Variants in MEX3B observed in about 807,000 individuals in gnomAD.
MEX3B encodes the protein RNA-binding protein MEX3B.
In MEX3B, 10 loss-of-function variants were observed where a neutral mutation model predicts 12.2. The ratio of observed to expected loss-of-function variants is 0.82; its 90% CI spans 0.51 to 1.40. The LOEUF (loss-of-function observed/expected upper bound fraction) is 1.40. MEX3B is among the 40% of genes most tolerant of loss of function. The pLI, the probability that MEX3B is intolerant of heterozygous loss-of-function variation, is 0.00. For synonymous variants in MEX3B, 498 were observed against 356.3 expected (o/e 1.40, Z -4.48); for missense variants, 839 against 801.4 (o/e 1.05, Z -0.57).
In MEX3B at chr15:82,043,941, G is replaced by C. The variant is rs763707689; in HGVS notation, c.929C>G (p.Ala310Gly). 1.9e-6 allele frequency: 3 copies of C among 1,605,628 alleles called. No individual in the cohort carries two copies. The highest frequency in any genetic ancestry group is 2.5e-6 in the Non-Finnish European group (3 of 1,178,714). Residue 310 changes from alanine (A) to glycine (G), a missense_variant, in exon 2 of 2, where the codon GCG becomes GGG. Around this residue, in one of 3 missense-constraint regions of MEX3B, gnomAD observed 573 missense variants for 488.9 expected, o/e 1.17. Transcript: ENST00000329713. ...GTAGTCCGCCAGGCGCTGGGTAGCC[G>C]CTGCGCTGCTGCTGGTCCCGCCGCC... ...YFGGGTSSSA[A>G]ATQRLADYSP...
rs1299891659 is a variant in MEX3B at position 82,043,966 on chromosome 15, C to T, written c.904G>A (p.Gly302Ser). The T allele has an allele frequency of 6.2e-7, 1 of 1,608,522 alleles. No individual in the cohort carries two copies. Among genetic ancestry groups the T allele is most frequent in the African/African-American group, 1.3e-5 (1 of 74,642 alleles). The change falls in exon 2 of 2, where the codon GGC becomes AGC. Residue 302 changes from glycine to serine, a missense_variant. Transcript: ENST00000329713. ...GCTGCGCTGCTGCTGGTCCCGCCGC[C>T]GAAATAAGAGTCTGTGGAAGCACTG... ...LGSASTDSYF[G>S]GGTSSSAAAT...
At position 82,043,104 on chromosome 15, in the gene MEX3B, T is replaced by A; in HGVS notation, c.*56A>T. The stretch of plus-strand genomic sequence containing the variant: ...GCAGGCGAGCGCTGGGGAAAGAGGG[T>A]GGGGAGGGGTTCCCCCTTCCCCCAG... On this transcript the variant is annotated 3_prime_UTR_variant, in exon 2 of 2. Transcript: ENST00000329713. 1.4e-6 allele frequency: 2 copies of A among 1,403,542 alleles called. No homozygotes were observed. Among genetic ancestry groups the A allele is most frequent in the Non-Finnish European group, 1.9e-6 (2 of 1,073,002 alleles). 86.9% of individuals were successfully genotyped at this position (1,403,542 alleles called of 1,614,324 possible).
In MEX3B at chr15:82,044,433, G is replaced by T. The variant is rs1322609699; in HGVS notation, c.437C>A (p.Ala146Glu). 4 of 1,612,826 alleles carry T rather than the reference G, an allele frequency of 2.5e-6. No individual in the cohort carries two copies. The highest frequency in any genetic ancestry group is 2.5e-6 in the Non-Finnish European group (3 of 1,179,978). The change falls in exon 2 of 2, where the codon GCA becomes GAA. Residue 146 changes from alanine (A) to glutamate (E), a missense_variant. Physicochemically the swap from Ala to Glu is moderately radical, Grantham distance 107. Transcript: ENST00000329713. This position sits in a 1 kb window ranked among gnomAD's most constrained non-coding sequence, Gnocchi z 5.3. ...MIRASRNKNT[A>E]LNGAVPGPPN... ...CGGCCCAGGCACCGCGCCGTTGAGT[G>T]CCGTGTTCTTATTCCGGGAGGCGCG...
Position 82,044,098 on chromosome 15 carries a change from C to T in MEX3B, c.772G>A (p.Gly258Arg). The change falls in exon 2 of 2, where the codon GGG (glycine) becomes AGG (arginine). Residue 258 changes from glycine to arginine, a missense_variant. By Grantham distance (125) the Gly-to-Arg change is moderately radical. Coordinates refer to ENST00000329713, the MANE Select transcript of MEX3B (RefSeq NM_032246.6). The surrounding 1 kb of genome is among the most constrained non-coding windows in gnomAD (Gnocchi z 5.3). ...VGFDLHHGSG[G>R]SGPGSLWSKP... ...CTCCAGAGGCTGCCTGGGCCGGACC[C>T]GCCGGACCCATGATGCAGATCGAAG... 2 of 1,612,202 alleles carry T rather than the reference C, an allele frequency of 1.2e-6. No homozygotes were observed. Among genetic ancestry groups the T allele is most frequent in the South Asian group, 2.2e-5 (2 of 91,008 alleles).
Position 82,043,223 on chromosome 15 carries a change from C to G in MEX3B, c.1647G>C (p.Lys549Asn). The change falls in exon 2 of 2, where the codon AAG becomes AAC. Residue 549 changes from lysine (K) to asparagine (N), a missense_variant. Transcript: ENST00000329713. The stretch of plus-strand genomic sequence containing the variant: ...GGCAGACCGGGCACTCGGGCTCGCT[C>G]TTCTCACAGATGCGATTGGCGCACT... ...CMECANRICE[K>N]SEPECPVCHT... is the part of the protein sequence containing the mutation. 6.3e-7 allele frequency: 1 copy of G among 1,587,924 alleles called. No homozygotes were observed. Among genetic ancestry groups the G allele is most frequent in the East Asian group, 2.2e-5 (1 of 44,562 alleles).
rs757597343 is a variant in MEX3B, at chr15:82,043,796, C to G, written c.1074G>C (p.Glu358Asp). 1 of 1,583,088 alleles carries G rather than the reference C, an allele frequency of 6.3e-7. No individual in the cohort carries two copies. Among genetic ancestry groups the G allele is most frequent in the Non-Finnish European group, 8.6e-7 (1 of 1,165,400 alleles). ...GAGCCGGGTCAAAAGTGGGCTGCAG[C>G]TCGGGGCAGCCGTCGGGGGATGGCA... is the stretch of plus-strand genomic sequence containing the variant. ...ASVPSPDGCP[E>D]LQPTFDPAPA... Residue 358 changes from glutamate to aspartate, a missense_variant, in exon 2 of 2, where the codon GAG becomes GAC. Glu to Asp is a conservative substitution (Grantham distance 45). Transcript: ENST00000329713.
intron 1 of MEX3B, 35 bp downstream of exon 1, chr15:82,045,415 A>ACCCCCCCCCCCCT: frequency 6.5e-7 from 1 of 1,530,520 alleles, no homozygotes; most frequent in Non-Finnish European, 8.9e-7. Flanking sequence ...ACCCTACACC[A>ACCCCCCCCCCCCT]CCCCCACCCA....
At position 82,043,911 on chromosome 15, in the gene MEX3B, G is replaced by T. The variant is rs770755069; in HGVS notation, c.959C>A (p.Pro320His). The T allele has an allele frequency of 6.3e-7, 1 of 1,598,970 alleles. No homozygotes were observed. Among genetic ancestry groups the T allele is most frequent in the Non-Finnish European group, 8.5e-7 (1 of 1,175,358 alleles). ...CGCAAAGCTCAGGGCGGGGCTAGGGGGGCTGTAGTCCGCCAGGCGCTGGGT... is the reference window on the plus strand; with the variant it reads ...CGCAAAGCTCAGGGCGGGGCTAGGGTGGCTGTAGTCCGCCAGGCGCTGGGT... The part of the protein sequence containing the change: ...AATQRLADYS[P>H]PSPALSFAHN... The change falls in exon 2 of 2, where the codon CCC becomes CAC. Residue 320 changes from proline to histidine, a missense_variant. Transcript: ENST00000329713.
chr15:82,044,004 G>A lies in MEX3B; in HGVS notation c.866C>T (p.Ser289Phe), dbSNP rs1387332774. 1.9e-6 allele frequency: 3 copies of A among 1,609,050 alleles called. No homozygotes were observed. The highest frequency in any genetic ancestry group is 1.7e-5 in the Admixed American group (1 of 59,998). Residue 289 changes from serine (S) to phenylalanine (F), a missense_variant, in exon 2 of 2, where the codon TCC becomes TTC. Around this residue, in one of 3 missense-constraint regions of MEX3B, gnomAD observed 573 missense variants for 488.9 expected, o/e 1.17. Transcript: ENST00000329713. The surrounding 1 kb of genome is among the most constrained non-coding windows in gnomAD (Gnocchi z 5.3). ...TGTGGAAGCACTGCCAAGCGAGCTG[G>A]AGCTGTCGTTGCGGTAGCTAGAGAA... ...KPFSSYRNDS[S>F]SSLGSASTDS... is the part of the protein sequence containing the mutation.
In MEX3B at chr15:82,045,637, TCCGCTGCTG is replaced by T. The variant is rs1567018066; in HGVS notation, c.60_68del (p.Ser21_Gly23del). On this transcript the variant is annotated inframe_deletion, in exon 1 of 2. Coordinates refer to ENST00000329713, the MANE Select transcript of MEX3B (RefSeq NM_032246.6). Reference sequence around the variant, plus strand: ...TTTGGTCATCCAGGGTCTCTCCCCCTCCGCTGCTGCCGCCGCCGCCGCCGCCGCTGCCGT... The same window carrying T: ...TTTGGTCATCCAGGGTCTCTCCCCCTCCGCCGCCGCCGCCGCCGCTGCCGT... 6.3e-7 allele frequency: 1 copy of T among 1,586,384 alleles called. No individual in the cohort carries two copies. The highest frequency in any genetic ancestry group is 2.3e-5 in the East Asian group (1 of 43,484).
At position 82,043,040 on chromosome 15, in the gene MEX3B, G is replaced by C. The variant is rs1014613753; in HGVS notation, c.*120C>G. On this transcript the variant is annotated 3_prime_UTR_variant, in exon 2 of 2. Coordinates refer to ENST00000329713, the MANE Select transcript of MEX3B (RefSeq NM_032246.6). ...CTCTCGGATCTCAGAGTGTTGGTGG[G>C]GCCGGGAAGGAGAAGGGAGAGGGGG... The C allele has an allele frequency of 2.5e-6, 2 of 797,058 alleles. No individual in the cohort carries two copies. The highest frequency in any genetic ancestry group is 1.8e-5 in the African/African-American group (1 of 56,158). The allele number at this position is 797,058 out of a possible 1,614,324, so 49.4% of individuals were successfully genotyped here. A position where few individuals can be genotyped will look rare whatever the true frequency, so the allele number is the denominator to read the frequency against.
chr15:82,043,328 G>A lies in MEX3B; in HGVS notation c.1542C>T (p.Gly514=), dbSNP rs376291077. The A allele has an allele frequency of 5.0e-6, 8 of 1,604,732 alleles. No homozygotes were observed. In the African/African-American group the frequency reaches 8.0e-5, roughly 16 times the overall value. Residue 514 remains glycine (G), a synonymous_variant, in exon 2 of 2, where the codon GGC becomes GGT. Coordinates refer to ENST00000329713, the MANE Select transcript of MEX3B (RefSeq NM_032246.6). ...CGAAGCACACGGAGCAGTCGCGGCT[G>A]CCTTTACGCCGAAGCCCGGAGGAAG... ...SSSSSGLRRK[G]SRDCSVCFES...
Position 82,044,283 on chromosome 15 carries a change from G to A in MEX3B, c.587C>T (p.Thr196Met). The A allele has an allele frequency of 6.2e-7, 1 of 1,613,752 alleles. No homozygotes were observed. Among genetic ancestry groups the A allele is most frequent in the Non-Finnish European group, 8.5e-7 (1 of 1,180,010 alleles). Residue 196 changes from threonine (T) to methionine (M), a missense_variant, in exon 2 of 2, where the codon ACG (threonine) becomes ATG (methionine). By Grantham distance (81) the Thr-to-Met change is moderately conservative. Coordinates refer to ENST00000329713, the MANE Select transcript of MEX3B (RefSeq NM_032246.6). This position sits in a 1 kb window ranked among gnomAD's most constrained non-coding sequence, Gnocchi z 5.3. Reference sequence around the variant, plus strand: ...CACCGGCTCCTTATCCCGGCTGGGCGTCACGATGTACGTGTGCGTCTGCTG... The same window carrying A: ...CACCGGCTCCTTATCCCGGCTGGGCATCACGATGTACGTGTGCGTCTGCTG... ...IQQQTHTYIV[T>M]PSRDKEPVFE...
Position 82,043,304 on chromosome 15 carries a change from G to T in MEX3B, c.1566C>A (p.Phe522Leu). 6.2e-7 allele frequency: 1 copy of T among 1,611,462 alleles called. No individual in the cohort carries two copies. The highest frequency in any genetic ancestry group is 8.5e-7 in the Non-Finnish European group (1 of 1,178,618). Reference protein sequence around the residue: ...RKGSRDCSVCFESEVIAALVP... With the variant: ...RKGSRDCSVCLESEVIAALVP... Reference sequence around the variant, plus strand: ...CCAGCGCGGCAATCACTTCGCTCTCGAAGCACACGGAGCAGTCGCGGCTGC... The same window carrying T: ...CCAGCGCGGCAATCACTTCGCTCTCTAAGCACACGGAGCAGTCGCGGCTGC... Residue 522 changes from phenylalanine (F) to leucine (L), a missense_variant, in exon 2 of 2, where the codon TTC becomes TTA. This residue lies in a region of MEX3B where 573 missense variants were observed against 488.9 expected (regional missense o/e 1.17). Coordinates refer to ENST00000329713, the MANE Select transcript of MEX3B (RefSeq NM_032246.6).
chr15:82,042,531 A>G lies in MEX3B; in HGVS notation c.*629T>C, dbSNP rs1567016634. The G allele has an allele frequency of 1.3e-5, 2 of 152,624 alleles. No individual in the cohort carries two copies. Among genetic ancestry groups the G allele is most frequent in the East Asian group, 3.8e-4 (2 of 5,202 alleles). The allele number at this position is 152,624 out of a possible 1,614,324, so 9.5% of individuals were successfully genotyped here. On this transcript the variant is annotated 3_prime_UTR_variant, in exon 2 of 2. Transcript: ENST00000329713. Reference sequence around the variant, plus strand: ...AAATACTTCAATCTGTATTAATGCAATTTCTCTTTAAAACTTTTAAACGTT... The same window carrying G: ...AAATACTTCAATCTGTATTAATGCAGTTTCTCTTTAAAACTTTTAAACGTT...
Position 82,043,150 on chromosome 15 carries a change from C to G in MEX3B, c.*10G>C. On this transcript the variant is annotated 3_prime_UTR_variant, in exon 2 of 2. Transcript: ENST00000329713. ...CCCAGCACGGTGCGCACTAGCAGCG[C>G]CCGCTGCCTTTAAGAAAAGATGCGG... is the stretch of plus-strand genomic sequence containing the variant. 3.3e-6 allele frequency: 5 copies of G among 1,522,680 alleles called. No homozygotes were observed. The highest frequency in any genetic ancestry group is 4.4e-6 in the Non-Finnish European group (5 of 1,134,924). 94.3% of individuals were successfully genotyped at this position (1,522,680 alleles called of 1,614,324 possible).
At position 82,045,795 on chromosome 15, in the gene MEX3B, G is replaced by A. The variant is rs1479068795; in HGVS notation, c.-90C>T. 1.6e-6 allele frequency: 2 copies of A among 1,285,046 alleles called. No homozygotes were observed. The highest frequency in any genetic ancestry group is 2.0e-6 in the Non-Finnish European group (2 of 1,016,432). 79.6% of individuals were successfully genotyped at this position (1,285,046 alleles called of 1,614,324 possible). On this transcript the variant is annotated 5_prime_UTR_variant, in exon 1 of 2. Transcript: ENST00000329713. ...AAGGCAGCCGGGAAGCGGGTGGTCA[G>A]GGGCGGGGAGGCCGGTCGCCTGCTG...
Position 82,043,168 on chromosome 15 carries a change from A to C in MEX3B, c.1702T>G (p.Phe568Val). 6.5e-7 allele frequency: 1 copy of C among 1,527,578 alleles called. No homozygotes were observed. Among genetic ancestry groups the C allele is most frequent in the Non-Finnish European group, 8.8e-7 (1 of 1,136,566 alleles). The allele number at this position is 1,527,578 out of a possible 1,614,324, so 94.6% of individuals were successfully genotyped here. ...HTAVTQAIRI[F>V]S ...AGCAGCGCCCGCTGCCTTTAAGAAAAGATGCGGATGGCCTGAGTGACCGCG... is the reference window on the plus strand; with the variant it reads ...AGCAGCGCCCGCTGCCTTTAAGAAACGATGCGGATGGCCTGAGTGACCGCG... Residue 568 changes from phenylalanine (F) to valine (V), a missense_variant, in exon 2 of 2, where the codon TTT (phenylalanine) becomes GTT (valine). Physicochemically the swap from Phe to Val is conservative, Grantham distance 50. Transcript: ENST00000329713.
At position 82,042,854 on chromosome 15, in the gene MEX3B, T is replaced by G. The variant is rs2073228265; in HGVS notation, c.*306A>C. On this transcript the variant is annotated 3_prime_UTR_variant, in exon 2 of 2. Coordinates refer to ENST00000329713, the MANE Select transcript of MEX3B (RefSeq NM_032246.6). ...TTCCTATTAAGTACAGTGTAAAAAC[T>G]ATCATTACTAGAATGTCGCCGTTCC... 8.1e-6 allele frequency: 2 copies of G among 245,550 alleles called. No individual in the cohort carries two copies. Among genetic ancestry groups the G allele is most frequent in the Admixed American group, 1.1e-4 (2 of 18,672 alleles). 15.2% of individuals were successfully genotyped at this position (245,550 alleles called of 1,614,324 possible). A position where few individuals can be genotyped will look rare whatever the true frequency, so the allele number is the denominator to read the frequency against.
Sources: gnomAD v4.1 joint callset for allele counts on GRCh38, gnomAD v4.1.1 for gene constraint, gnomAD v4.1.1 regional missense constraint, Gnocchi (gnomAD v3.1) non-coding constraint, MANE v1.5 for transcripts, NCBI Gene and HGNC (gene_info 2026-07-23, HGNC 2026-07-21) for gene names.